Variants in POU2F3 observed in about 807,000 individuals in gnomAD.
POU2F3 encodes the protein POU domain, class 2, transcription factor 3.
POU2F3 carries 23 observed loss-of-function variants against 59.2 expected under a neutral mutation model. That is an observed-to-expected ratio of 0.39 (90% CI 0.28 to 0.55). The LOEUF is 0.55. Ranked by LOEUF, POU2F3 falls within the 20% of genes least tolerant of loss-of-function variation. The pLI is 0.66. For synonymous variants in POU2F3, 190 were observed against 214.6 expected, an observed-to-expected ratio of 0.89 and a Z score of 1.00; for missense variants, 473 against 544.5, an observed-to-expected ratio of 0.87 and a Z score of 1.31.
intron 2 of POU2F3, among the ~76,000 whole-genome samples, chr11:120,252,357 A>G (rs1176627352): frequency 6.6e-6 from 1 of 150,590 alleles, no homozygotes; most frequent in Non-Finnish European, 1.5e-5. Flanking sequence ...CAGGCCCACC[A>G]CCACCACGCC....
chr11:120,281,409 C>T (rs1042980029), intron 3 of POU2F3, among the ~76,000 whole-genome samples: 10 of 151,952 alleles, frequency 6.6e-5, no homozygotes, highest in African/African-American at 1.9e-4. Context: ...TCCCTTTTCT[C>T]TGTGACTGCT....
At chr11:120,242,128 T>C (rs1938690536) in intron 1 of POU2F3, among the ~76,000 whole-genome samples, 1 of 152,142 alleles carries the variant, frequency 6.6e-6, no homozygotes, top group South Asian at 2.1e-4. Flanking sequence ...CCCCAGCCCA[T>C]TCCCCCCTCA....
chr11:120,305,355 C>T, intron 7 of POU2F3, 143 bp downstream of exon 7: 1 of 1,015,244 alleles, frequency 9.8e-7, no homozygotes, highest in African/African-American at 1.6e-5. Flanking sequence ...GAGAATAGGG[C>T]ACAGTTGCCA....
At chr11:120,259,725 G>C (rs575973729) in intron 2 of POU2F3, among the ~76,000 whole-genome samples, 1 of 152,324 alleles carries the variant, frequency 6.6e-6, no homozygotes, top group South Asian at 2.1e-4. Flanking sequence ...GAAGTTGAAG[G>C]CTACGGAGAT....
At chr11:120,286,055 G>GT (rs1010887566) in intron 3 of POU2F3, among the ~76,000 whole-genome samples, 55 of 150,570 alleles carry the variant, frequency 3.7e-4, no homozygotes, top group Non-Finnish European at 4.1e-4. Context: ...GCTCATTTTT[G>GT]TTTTTTTTTA....
At chr11:120,279,436 C>T (rs1462120049) in intron 3 of POU2F3, among the ~76,000 whole-genome samples, 2 of 152,104 alleles carry the variant, frequency 1.3e-5, no homozygotes, top group Admixed American at 6.5e-5. Flanking sequence ...TGAATAAGAA[C>T]CCATCATTTT....
intron 1 of POU2F3, among the ~76,000 whole-genome samples, chr11:120,243,124 A>G (rs1316677584): frequency 6.6e-6 from 1 of 152,166 alleles, no homozygotes; most frequent in Non-Finnish European, 1.5e-5. Flanking sequence ...CTGAGAAGAA[A>G]TGAGAGAAGT....
chr11:120,256,241 GTTACTT>G (rs1362474953), intron 2 of POU2F3: 1 of 152,192 alleles, frequency 6.6e-6, no homozygotes, highest in Non-Finnish European at 1.5e-5. Context: ...CTTTGGGGTA[GTTACTT>G]AAAGGCTATC....
chr11:120,275,222 T>G (rs1940270148), intron 3 of POU2F3, among the ~76,000 whole-genome samples: 1 of 151,930 alleles, frequency 6.6e-6, no homozygotes, highest in African/African-American at 2.4e-5. Flanking sequence ...CTTGAGTGAG[T>G]GTGGCCTGGG....
At chr11:120,258,235 G>T (rs775445909) in intron 2 of POU2F3, among the ~76,000 whole-genome samples, 8 of 152,048 alleles carry the variant, frequency 5.3e-5, no homozygotes, top group Non-Finnish European at 7.4e-5. Flanking sequence ...CCTCACCCTG[G>T]GGGAGAGGAC....
In POU2F3 at chr11:120,307,632, G is replaced by T. The variant is rs1215885454; in HGVS notation, c.906+17G>T. On this transcript the variant is annotated intron_variant, in intron 9 of 12. Coordinates refer to ENST00000543440, the MANE Select transcript of POU2F3 (RefSeq NM_014352.4). ...TTTCAAGATGTGAGCAGCACCTTCG[G>T]GTGGGCACGGGTGGGCTACCTCACA... 3 of 1,613,458 alleles carry T rather than the reference G, an allele frequency of 1.9e-6. No homozygotes were observed. The highest frequency in any genetic ancestry group is 2.5e-6 in the Non-Finnish European group (3 of 1,179,636).
chr11:120,240,652 G>A (rs983548396), intron 1 of POU2F3, among the ~76,000 whole-genome samples: 2 of 152,154 alleles, frequency 1.3e-5, no homozygotes, highest in African/African-American at 4.8e-5. Flanking sequence ...TGTATGGGAC[G>A]TGGGTGTACT....
At chr11:120,317,572 C>T (rs968277890) in intron 12 of POU2F3, among the ~76,000 whole-genome samples, 2 of 152,212 alleles carry the variant, frequency 1.3e-5, no homozygotes, top group Non-Finnish European at 1.5e-5. Flanking sequence ...AGTGAGCCAT[C>T]CTGGCAAGGA....
chr11:120,241,443 G>C (rs1938660407), intron 1 of POU2F3, among the ~76,000 whole-genome samples: 1 of 152,182 alleles, frequency 6.6e-6, no homozygotes, highest in Non-Finnish European at 1.5e-5. Flanking sequence ...GGAGTGCCCA[G>C]TTCCCCAGAT....
In POU2F3 at chr11:120,313,788, T is replaced by C. The variant is rs1240020260; in HGVS notation, c.1069-1573T>C. Among the ~76,000 whole-genome samples the C allele has an allele frequency of 2.6e-5, 4 of 151,736 alleles. No homozygotes were observed. In the East Asian group the frequency reaches 5.8e-4, roughly 22 times the overall value. ...CAGCAATTTGGGAGGCCAAGATGGGTGGATCACCTGAGGTTAGGAGTTCGA... is the reference window on the plus strand; with the variant it reads ...CAGCAATTTGGGAGGCCAAGATGGGCGGATCACCTGAGGTTAGGAGTTCGA... On this transcript the variant is annotated intron_variant, in intron 10 of 12. Transcript: ENST00000543440.
At chr11:120,270,456 G>A (rs1941406) in intron 3 of POU2F3, among the ~76,000 whole-genome samples, 77,655 of 152,118 alleles carry the variant, frequency 0.51, 25,464 homozygotes, top group East Asian at 1. Flanking sequence ...GACATCATGG[G>A]TGAGGTGATA....
rs1191875862 is a variant in POU2F3, at chr11:120,318,925, A to C, written c.*533A>C. On this transcript the variant is annotated 3_prime_UTR_variant, in exon 13 of 13. Transcript: ENST00000543440. ...CTGTACAGCTAAGTTTTCTGATGGAATCTTCATCTCACCCCATTTTCTTTT... is the reference window on the plus strand; with the variant it reads ...CTGTACAGCTAAGTTTTCTGATGGACTCTTCATCTCACCCCATTTTCTTTT... 1 of 152,476 alleles carries C rather than the reference A, an allele frequency of 6.6e-6. No individual in the cohort carries two copies. Among genetic ancestry groups the C allele is most frequent in the Non-Finnish European group, 1.5e-5 (1 of 68,294 alleles). 9.4% of individuals were successfully genotyped at this position (152,476 alleles called of 1,614,324 possible).
At chr11:120,312,711 C>T (rs1941683340) in intron 10 of POU2F3, among the ~76,000 whole-genome samples, 1 of 152,180 alleles carries the variant, frequency 6.6e-6, no homozygotes. Context: ...CCCCTGCTTA[C>T]AGTGTAGCAG....
chr11:120,308,024 A>T (rs1014939081), intron 9 of POU2F3, among the ~76,000 whole-genome samples: 2 of 152,214 alleles, frequency 1.3e-5, no homozygotes, highest in African/African-American at 4.8e-5. Context: ...AAATGTAATA[A>T]ATGCTTATTG....
Sources: gnomAD v4.1 joint callset for allele counts (sites outside exome capture counted in the v4.1 genomes callset) on GRCh38, gnomAD v4.1.1 for gene constraint, MANE v1.5 for transcripts, NCBI Gene and HGNC (gene_info 2026-07-23, HGNC 2026-07-21) for gene names.